The following AAR2 variants were observed in gnomAD, a reference collection of about 807,000 sequenced individuals.
AAR2 encodes protein AAR2 homolog.
Under a neutral mutation model 26.9 loss-of-function variants are expected in AAR2, and 31 were observed. That is an observed-to-expected ratio of 1.15 (90% confidence interval 0.86 to 1.55). AAR2 has a LOEUF of 1.55. Among genes scored for constraint, AAR2 ranks in the 40% most tolerant of loss-of-function variants. The pLI is 0.00. For synonymous variants in AAR2, 188 were observed against 196.1 expected (o/e 0.96, Z 0.34); for missense variants, 430 against 491.3 (o/e 0.88, Z 1.18).
chr20:36,248,195 C>G (rs2064752583), intron 3 of AAR2, among the ~76,000 whole-genome samples: 1 of 152,182 alleles, frequency 6.6e-6, no homozygotes, highest in African/African-American at 2.4e-5. Flanking sequence ...CTACTCTTAG[C>G]TTACTTTGAA....
In AAR2 at chr20:36,240,574, C is replaced by T; in HGVS notation, c.706C>T (p.Leu236=). ...TKHSMDLSYA[L]ETVLNKQFPS... ...GCACAGCATGGACCTGAGCTATGCC[C>T]TGGAGACTGTGCTCAACAAGCAGTT... Residue 236 remains leucine (L), a synonymous_variant, in exon 2 of 4, where the codon CTG becomes TTG. Coordinates refer to ENST00000320849, the MANE Select transcript of AAR2 (RefSeq NM_001271874.2). 2 of 1,613,508 alleles carry T rather than the reference C, an allele frequency of 1.2e-6. No individual in the cohort carries two copies. Among genetic ancestry groups the T allele is most frequent in the Non-Finnish European group, 1.7e-6 (2 of 1,180,008 alleles).
intron 3 of AAR2, among the ~76,000 whole-genome samples, chr20:36,252,209 C>CT (rs2064785439): frequency 6.6e-6 from 1 of 152,200 alleles, no homozygotes; most frequent in African/African-American, 2.4e-5. Flanking sequence ...ATGAGCCTTT[C>CT]TTTCTCCCCA....
rs1471270949 is a variant in AAR2, at chr20:36,243,246, A to G, written c.758-1451A>G. ...CAAATTTAATAAATGTCCTAAACGC[A>G]AATAATAGGCTAATATTTAGTTTCA... On this transcript the variant is annotated intron_variant, in intron 2 of 3. Coordinates refer to ENST00000320849, the MANE Select transcript of AAR2 (RefSeq NM_001271874.2). 3.3e-5 allele frequency among the ~76,000 whole-genome samples: 5 copies of G among 152,258 alleles called. No individual in the cohort carries two copies. The East Asian group carries it at 9.6e-4, about 29-fold the overall frequency.
chr20:36,248,513 T>A (rs2064755997), intron 3 of AAR2, among the ~76,000 whole-genome samples: 1 of 152,072 alleles, frequency 6.6e-6, no homozygotes, highest in African/African-American at 2.4e-5. Flanking sequence ...TTTTTTTGTA[T>A]TTTTAGTAGA....
chr20:36,242,899 A>G (rs2064698447), intron 2 of AAR2, among the ~76,000 whole-genome samples: 1 of 137,118 alleles, frequency 7.3e-6, no homozygotes, highest in African/African-American at 2.8e-5. Flanking sequence ...ACTCTGTGAC[A>G]TGGGCTGGAG....
chr20:36,255,171 C>T (rs17436024), intron 3 of AAR2, among the ~76,000 whole-genome samples: 4,295 of 152,338 alleles, frequency 0.028, 123 homozygotes, highest in South Asian at 0.15. Flanking sequence ...ATTAGAGCAG[C>T]AATTCAGTCG....
At chr20:36,243,448 C>T (rs2064703395) in intron 2 of AAR2, among the ~76,000 whole-genome samples, 1 of 152,188 alleles carries the variant, frequency 6.6e-6, no homozygotes, top group African/African-American at 2.4e-5. Context: ...TTCCAGGTCT[C>T]TGGAGGTGGC....
rs145029693 is a variant in AAR2 at position 36,248,563 on chromosome 20, C to G, written c.987+3637C>G. On this transcript the variant is annotated intron_variant, in intron 3 of 3. Coordinates refer to ENST00000320849, the MANE Select transcript of AAR2 (RefSeq NM_001271874.2). ...ATGTTGGCCAGGCTGGTCTCGAACTCCTGACTTCAGGTGATCCACCCAACT... is the reference window on the plus strand; with the variant it reads ...ATGTTGGCCAGGCTGGTCTCGAACTGCTGACTTCAGGTGATCCACCCAACT... Among the ~76,000 whole-genome samples the G allele has an allele frequency of 1.6e-4, 24 of 152,278 alleles. No homozygotes were observed. The East Asian group carries it at 4.4e-3, about 28-fold the overall frequency.
rs113156393 is a variant in AAR2 at position 36,244,933 on chromosome 20, A to G, written c.987+7A>G. 9.6e-5 allele frequency: 155 copies of G among 1,608,458 alleles called. No individual in the cohort carries two copies. The African/African-American group carries it at 1.8e-3, about 19-fold the overall frequency. ...CCTCACCAGCACCTTACAGGTGAGCAGTCTTTCTGACTGAGCTGATGCACA... is the reference window on the plus strand; with the variant it reads ...CCTCACCAGCACCTTACAGGTGAGCGGTCTTTCTGACTGAGCTGATGCACA... On this transcript the variant is annotated splice_region_variant and intron_variant, in intron 3 of 3. Coordinates refer to ENST00000320849, the MANE Select transcript of AAR2 (RefSeq NM_001271874.2).
At chr20:36,237,260 A>G (rs965645772) in intron 1 of AAR2, among the ~76,000 whole-genome samples, 2 of 152,256 alleles carry the variant, frequency 1.3e-5, no homozygotes, top group African/African-American at 4.8e-5. Flanking sequence ...TTCAAGAACC[A>G]TATGGGAAAC....
rs1267289879 is a variant in AAR2, at chr20:36,247,869, C to CA, written c.987+2952dup. On this transcript the variant is annotated intron_variant, in intron 3 of 3. Transcript: ENST00000320849. Reference sequence around the variant, plus strand: ...GGGCAAAAACAGTGAGACTTTGTCTCAAAAAAAAATAATAAAAATAAAATT... The same window carrying CA: ...GGGCAAAAACAGTGAGACTTTGTCTCAAAAAAAAAATAATAAAAATAAAATT... 1.3e-3 allele frequency among the ~76,000 whole-genome samples: 198 copies of CA among 147,454 alleles called. 3 individuals carry two copies. Among genetic ancestry groups the CA allele is most frequent in the African/African-American group, 4.8e-3 (189 of 39,324 alleles).
intron 3 of AAR2, among the ~76,000 whole-genome samples, chr20:36,248,882 CTT>C (rs1177521082): frequency 2.1e-4 from 30 of 141,846 alleles, no homozygotes; most frequent in Non-Finnish European, 2.0e-4. Context: ...TATTGTAAAA[CTT>C]TTTTTTTTTT....
Position 36,239,919 on chromosome 20 carries a change from A to C in AAR2, c.51A>C (p.Glu17Asp). 6.2e-7 allele frequency: 1 copy of C among 1,610,008 alleles called. No homozygotes were observed. The highest frequency in any genetic ancestry group is 8.5e-7 in the Non-Finnish European group (1 of 1,176,660). Residue 17 changes from glutamate to aspartate, a missense_variant, in exon 2 of 4, where the codon GAA becomes GAC. Transcript: ENST00000320849. ...DPELAKRLFF[E>D]GATVVILNMP... ...AGCTAGCCAAGCGCCTCTTCTTTGA[A>C]GGGGCCACTGTGGTCATCCTGAACA...
chr20:36,239,704 A>C, intron 1 of AAR2, 117 bp from the exon 2 acceptor site: 2 of 793,814 alleles, frequency 2.5e-6, no homozygotes, highest in Non-Finnish European at 3.8e-6. Flanking sequence ...TGTCATGAGG[A>C]TTAAGGGAAA....
chr20:36,242,362 CTTTTGTTGT>C (rs568888294), intron 2 of AAR2, among the ~76,000 whole-genome samples: 168 of 138,728 alleles, frequency 1.2e-3, no homozygotes, highest in African/African-American at 3.9e-3. Context: ...ACAGGTACAT[CTTTTGTTGT>C]TGTTGTTGTT....
Position 36,243,138 on chromosome 20 carries a change from C to T in AAR2, c.758-1559C>T, listed in dbSNP as rs6087768. Among the ~76,000 whole-genome samples, 1,346 of 152,256 alleles carry T rather than the reference C, an allele frequency of 8.8e-3. 8 individuals are homozygous for T. The highest frequency in any genetic ancestry group is 0.014 in the Non-Finnish European group (947 of 68,022). ...AAAGGGCTAGGACTATCCCTGCCACCGCACCTGTCCAGGGATAATTTTGAA... is the reference window on the plus strand; with the variant it reads ...AAAGGGCTAGGACTATCCCTGCCACTGCACCTGTCCAGGGATAATTTTGAA... On this transcript the variant is annotated intron_variant, in intron 2 of 3. Coordinates refer to ENST00000320849, the MANE Select transcript of AAR2 (RefSeq NM_001271874.2).
rs760425982 is a variant in AAR2 at position 36,244,702 on chromosome 20, C to T, written c.763C>T (p.Leu255Phe). ...CTCCTCTCTGCACCTTTCAGGTGAA[C>T]TCCAGTTTGCTTTTGTGTGCTTCCT... ...PSSPQDVLGE[L>F]QFAFVCFLLG... The change falls in exon 3 of 4, where the codon CTC (leucine) becomes TTC (phenylalanine). Residue 255 changes from leucine to phenylalanine, a missense_variant. By Grantham distance (22) the Leu-to-Phe change is conservative (BLOSUM62 0). Transcript: ENST00000320849. The T allele has an allele frequency of 1.9e-6, 3 of 1,614,208 alleles. No individual in the cohort carries two copies. Among genetic ancestry groups the T allele is most frequent in the South Asian group, 1.1e-5 (1 of 91,078 alleles).
rs746020778 is a variant in AAR2 at position 36,240,513 on chromosome 20, G to A, written c.645G>A (p.Met215Ile). 1.9e-6 allele frequency: 3 copies of A among 1,614,074 alleles called. No individual in the cohort carries two copies. The highest frequency in any genetic ancestry group is 1.7e-6 in the Non-Finnish European group (2 of 1,180,042). Residue 215 changes from methionine (M) to isoleucine (I), a missense_variant, in exon 2 of 4, where the codon ATG becomes ATA. Coordinates refer to ENST00000320849, the MANE Select transcript of AAR2 (RefSeq NM_001271874.2). Reference protein sequence around the residue: ...EIRFSELPTQMFPEGATPAEI... With the variant: ...EIRFSELPTQIFPEGATPAEI... ...GCTTCTCAGAGCTGCCCACGCAGATGTTCCCAGAGGGTGCCACGCCAGCTG... is the reference window on the plus strand; with the variant it reads ...GCTTCTCAGAGCTGCCCACGCAGATATTCCCAGAGGGTGCCACGCCAGCTG...
At position 36,240,530 on chromosome 20, in the gene AAR2, C is replaced by T. The variant is rs1486657267; in HGVS notation, c.662C>T (p.Thr221Met). 1.1e-5 allele frequency: 18 copies of T among 1,613,896 alleles called. No homozygotes were observed. The highest frequency in any genetic ancestry group is 1.7e-5 in the Admixed American group (1 of 60,016). ...ACGCAGATGTTCCCAGAGGGTGCCA[C>T]GCCAGCTGAGATAACCAAGCACAGC... ...LPTQMFPEGATPAEITKHSMD... is the reference protein window; with the variant it reads ...LPTQMFPEGAMPAEITKHSMD... Residue 221 changes from threonine to methionine, a missense_variant, in exon 2 of 4, where the codon ACG becomes ATG. Physicochemically the swap from Thr to Met is moderately conservative, Grantham distance 81. Coordinates refer to ENST00000320849, the MANE Select transcript of AAR2 (RefSeq NM_001271874.2).
Sources: gnomAD v4.1 joint callset for allele counts (sites outside exome capture counted in the v4.1 genomes callset) on GRCh38, gnomAD v4.1.1 for gene constraint, MANE v1.5 for transcripts, NCBI Gene and HGNC (gene_info 2026-07-23, HGNC 2026-07-21) for gene names.